The following KCNQ5 variants were observed in gnomAD, a reference collection of about 807,000 sequenced individuals.
KCNQ5 encodes the protein potassium voltage-gated channel subfamily Q member 5, also known as potassium voltage-gated channel subfamily KQT member 5.
KCNQ5 carries 30 observed loss-of-function variants against 98.2 expected under a neutral mutation model. The observed-to-expected ratio is 0.31, with a 90% CI of 0.23 to 0.41. The LOEUF (loss-of-function observed/expected upper bound fraction) is 0.41. Among genes scored for constraint, KCNQ5 ranks in the 10% least tolerant of loss-of-function variants. The probability of loss-of-function intolerance (pLI) is 1.00; values close to 1 mark genes in which losing one functional copy is unlikely to be tolerated. For missense variants in KCNQ5, 835 were observed against 1,182.5 expected, an observed-to-expected ratio of 0.71 and a Z score of 4.31; for synonymous variants, 458 against 449.4, an observed-to-expected ratio of 1.02 and a Z score of -0.24.
chr6:73,020,450 C>T (rs945755808), intron 2 of KCNQ5, among the ~76,000 whole-genome samples: 7 of 151,814 alleles, frequency 4.6e-5, no homozygotes, highest in Admixed American at 4.6e-4. Flanking sequence ...ATTCTATGCC[C>T]TTCCTGGGCA....
At chr6:73,155,078 C>T (rs113209594) in intron 10 of KCNQ5, among the ~76,000 whole-genome samples, 7 of 152,280 alleles carry the variant, frequency 4.6e-5, no homozygotes, top group Admixed American at 3.9e-4. Context: ...AGGACTGCAT[C>T]AGTCTTCCTT....
chr6:73,187,938 G>GA (rs1765443876), intron 11 of KCNQ5, among the ~76,000 whole-genome samples: 1 of 152,028 alleles, frequency 6.6e-6, no homozygotes, highest in African/African-American at 2.4e-5. Context: ...ATCCCACCAA[G>GA]AAAAAATGGC....
At chr6:72,970,415 T>G (rs779794559) in intron 1 of KCNQ5, among the ~76,000 whole-genome samples, 1 of 152,216 alleles carries the variant, frequency 6.6e-6, no homozygotes, top group Non-Finnish European at 1.5e-5. Flanking sequence ...CTACCATGTG[T>G]GTATTACATA....
chr6:73,161,483 A>G (rs1352242081), intron 10 of KCNQ5, among the ~76,000 whole-genome samples: 1 of 152,270 alleles, frequency 6.6e-6, no homozygotes, highest in Non-Finnish European at 1.5e-5. Context: ...AAATGTTTCT[A>G]GCATAAAGAA....
intron 1 of KCNQ5, among the ~76,000 whole-genome samples, chr6:72,888,225 C>T (rs1332530257): frequency 1.3e-5 from 2 of 152,040 alleles, no homozygotes; most frequent in African/African-American, 4.8e-5. Context: ...CTAGGCAGTA[C>T]AAGGAAGGTT....
intron 1 of KCNQ5, among the ~76,000 whole-genome samples, chr6:72,657,393 A>G (rs1035482091): frequency 6.6e-6 from 1 of 152,132 alleles, no homozygotes; most frequent in Non-Finnish European, 1.5e-5. Flanking sequence ...GAGAATCACA[A>G]TTTTTTCTCA....
chr6:72,936,257 A>T (rs74347203), intron 1 of KCNQ5, among the ~76,000 whole-genome samples: 3,284 of 152,242 alleles, frequency 0.022, 112 homozygotes, highest in African/African-American at 0.074. Flanking sequence ...CTATCCCATT[A>T]TTCATTTTTG....
At chr6:72,705,934 G>A (rs1019964615) in intron 1 of KCNQ5, among the ~76,000 whole-genome samples, 7 of 151,964 alleles carry the variant, frequency 4.6e-5, no homozygotes, top group African/African-American at 1.7e-4. Context: ...ATTTGTGTGT[G>A]TGTGTGAACA....
intron 1 of KCNQ5, among the ~76,000 whole-genome samples, chr6:72,888,490 G>A (rs1384921287): frequency 6.6e-6 from 1 of 152,148 alleles, no homozygotes; most frequent in Non-Finnish European, 1.5e-5. Flanking sequence ...AGAACCTTAA[G>A]CGGACAAGAG....
chr6:73,000,106 T>A (rs1427612566), intron 1 of KCNQ5, among the ~76,000 whole-genome samples: 1 of 152,038 alleles, frequency 6.6e-6, no homozygotes, highest in Non-Finnish European at 1.5e-5. Flanking sequence ...GAGAGGTGCG[T>A]TGGGGTCATG....
chr6:72,625,859 T>C (rs932693788), intron 1 of KCNQ5, among the ~76,000 whole-genome samples: 6 of 152,226 alleles, frequency 3.9e-5, no homozygotes, highest in Non-Finnish European at 7.3e-5. Context: ...TCTATTCCAT[T>C]CTGTTTCTTA....
chr6:72,972,443 C>T (rs1325408454), intron 1 of KCNQ5, among the ~76,000 whole-genome samples: 1 of 151,708 alleles, frequency 6.6e-6, no homozygotes, highest in Non-Finnish European at 1.5e-5. Context: ...TATATGTGTG[C>T]CATGGTGGTT....
intron 1 of KCNQ5, among the ~76,000 whole-genome samples, chr6:72,732,245 G>T (rs1450407301): frequency 1.4e-4 from 21 of 152,120 alleles, no homozygotes. Flanking sequence ...TCTGACAGAG[G>T]TGAGCTCAGG....
rs533968723 is a variant in KCNQ5, at chr6:72,893,862, C to T, written c.399-110046C>T. Among the ~76,000 whole-genome samples, 5 of 152,228 alleles carry T rather than the reference C, an allele frequency of 3.3e-5. No homozygotes were observed. In the South Asian group the frequency reaches 1.0e-3, roughly 32 times the overall value. On this transcript the variant is annotated intron_variant, in intron 1 of 13. Coordinates refer to ENST00000370398, the MANE Select transcript of KCNQ5 (RefSeq NM_019842.4). The stretch of plus-strand genomic sequence containing the variant: ...CAAGCTCCTGCTTATTGAAACTATA[C>T]CAGGGAGGCTTAGCTTTCCCAGGTT...
intron 1 of KCNQ5, among the ~76,000 whole-genome samples, chr6:72,882,777 A>T (rs1348782296): frequency 6.6e-6 from 1 of 152,156 alleles, no homozygotes; most frequent in African/African-American, 2.4e-5. Context: ...TATACATTCT[A>T]GGAACGGTTT....
intron 1 of KCNQ5, among the ~76,000 whole-genome samples, chr6:72,749,964 T>C (rs2154476526): frequency 6.6e-6 from 1 of 152,268 alleles, no homozygotes; most frequent in South Asian, 2.1e-4. Flanking sequence ...AAACCTTTTT[T>C]AAAACCTGTA....
At chr6:72,972,966 G>A (rs1453261621) in intron 1 of KCNQ5, among the ~76,000 whole-genome samples, 1 of 152,122 alleles carries the variant, frequency 6.6e-6, no homozygotes, top group Non-Finnish European at 1.5e-5. Flanking sequence ...TTACAACCTA[G>A]GAAGTAGTGA....
At chr6:72,830,414 C>T (rs928422716) in intron 1 of KCNQ5, among the ~76,000 whole-genome samples, 1 of 152,160 alleles carries the variant, frequency 6.6e-6, no homozygotes, top group Non-Finnish European at 1.5e-5. Context: ...GAACAGAGTC[C>T]TCAGAAATAA....
chr6:72,649,855 C>T (rs1449490544), intron 1 of KCNQ5, among the ~76,000 whole-genome samples: 1 of 152,100 alleles, frequency 6.6e-6, no homozygotes, highest in African/African-American at 2.4e-5. Context: ...GAACTTAACA[C>T]ATTTTATTCA....
Sources: gnomAD v4.1 joint callset for allele counts (sites outside exome capture counted in the v4.1 genomes callset) on GRCh38, gnomAD v4.1.1 for gene constraint, MANE v1.5 for transcripts, NCBI Gene and HGNC (gene_info 2026-07-23, HGNC 2026-07-21) for gene names.